Variants in MACROD2 observed in about 807,000 individuals in gnomAD.
The protein encoded by MACROD2 is ADP-ribose glycohydrolase MACROD2.
MACROD2 carries 36 observed loss-of-function variants against 70.4 expected under a neutral mutation model. The observed-to-expected ratio is 0.51, with a 90% CI of 0.39 to 0.68. MACROD2 has a LOEUF of 0.68. Ranked by LOEUF, MACROD2 falls within the 30% of genes least tolerant of loss-of-function variation. MACROD2 has a pLI of 0.00. For synonymous variants in MACROD2, 172 were observed against 178.8 expected, an observed-to-expected ratio of 0.96 and a Z score of 0.30; for missense variants, 496 against 538.4, an observed-to-expected ratio of 0.92 and a Z score of 0.78.
At chr20:15,629,112 C>T (rs2049250142) in intron 8 of MACROD2, among the ~76,000 whole-genome samples, 1 of 152,018 alleles carries the variant, frequency 6.6e-6, no homozygotes, top group Non-Finnish European at 1.5e-5. Context: ...GAAATATATT[C>T]GCATTTCTGT....
At chr20:14,531,925 A>G (rs923552976) in intron 4 of MACROD2, among the ~76,000 whole-genome samples, 1 of 152,156 alleles carries the variant, frequency 6.6e-6, no homozygotes, top group African/African-American at 2.4e-5. Flanking sequence ...CCAGCCTTAT[A>G]AAAGCTGTGC....
chr20:15,138,269 A>G (rs1451281917), intron 5 of MACROD2, among the ~76,000 whole-genome samples: 1 of 152,146 alleles, frequency 6.6e-6, no homozygotes, highest in African/African-American at 2.4e-5. Context: ...TTTTATAAAT[A>G]TTTAACTTCT....
intron 6 of MACROD2, among the ~76,000 whole-genome samples, chr20:15,372,531 C>G (rs2045507691): frequency 6.6e-6 from 1 of 152,130 alleles, no homozygotes; most frequent in African/African-American, 2.4e-5. Flanking sequence ...GTGTTCATTG[C>G]TCATTTTTTT....
chr20:15,495,214 T>TA (rs1158855241), intron 7 of MACROD2, among the ~76,000 whole-genome samples: 3 of 152,222 alleles, frequency 2.0e-5, no homozygotes, highest in Non-Finnish European at 4.4e-5. Context: ...ATCCCTAGGC[T>TA]AAAATCTGTC....
At chr20:16,026,074 A>G (rs1353115833) in intron 15 of MACROD2, among the ~76,000 whole-genome samples, 1 of 152,030 alleles carries the variant, frequency 6.6e-6, no homozygotes, top group Non-Finnish European at 1.5e-5. Context: ...AATCGCTTGA[A>G]CCCAGGAGGT....
At chr20:14,547,238 AG>A in intron 4 of MACROD2, 1 of 586,732 alleles carries the variant, frequency 1.7e-6, no homozygotes, top group Non-Finnish European at 2.4e-6. Context: ...TCCATGCAGG[AG>A]GGACACGTGA....
chr20:14,626,725 T>G (rs1984190728), intron 4 of MACROD2, among the ~76,000 whole-genome samples: 1 of 151,936 alleles, frequency 6.6e-6, no homozygotes, highest in South Asian at 2.1e-4. Flanking sequence ...CAGGAGGAAG[T>G]ATGGCCATTG....
At chr20:15,621,429 T>G (rs2049124441) in intron 8 of MACROD2, among the ~76,000 whole-genome samples, 1 of 152,230 alleles carries the variant, frequency 6.6e-6, no homozygotes, top group Admixed American at 6.5e-5. Flanking sequence ...ACATGCAGAT[T>G]GCAATAATTT....
chr20:15,580,926 A>G (rs796795911), intron 8 of MACROD2, among the ~76,000 whole-genome samples: 1 of 152,210 alleles, frequency 6.6e-6, no homozygotes, highest in East Asian at 1.9e-4. Context: ...TGCACAACAG[A>G]CAATGGTTGG....
At chr20:15,656,303 C>A (rs887537204) in intron 8 of MACROD2, among the ~76,000 whole-genome samples, 11 of 152,096 alleles carry the variant, frequency 7.2e-5, no homozygotes, top group Admixed American at 6.6e-4. Context: ...TGTATGAATT[C>A]CAGAGTCTTA....
chr20:14,020,841 C>CTG (rs750453354), intron 2 of MACROD2, among the ~76,000 whole-genome samples: 9 of 152,272 alleles, frequency 5.9e-5, no homozygotes, highest in Middle Eastern at 3.4e-3. Flanking sequence ...GCAGTTAGCT[C>CTG]TGTGATGGGT....
At chr20:15,088,636 C>T (rs2075771130) in intron 5 of MACROD2, among the ~76,000 whole-genome samples, 2 of 151,618 alleles carry the variant, frequency 1.3e-5, no homozygotes, top group Admixed American at 1.3e-4. Flanking sequence ...TATACATTTA[C>T]ATGGGGACTT....
intron 5 of MACROD2, among the ~76,000 whole-genome samples, chr20:15,095,064 CTTTTTTTTTTTTTTTTTTTT>C (rs373794823): frequency 3.4e-5 from 3 of 89,298 alleles, no homozygotes; most frequent in East Asian, 2.9e-4. Flanking sequence ...GTCTCCTCTT[CTTTTTTTTTTTTTTTTTTTT>C]TTTTTTTTTT....
chr20:15,108,417 A>G (rs150666331), intron 5 of MACROD2, among the ~76,000 whole-genome samples: 111 of 152,312 alleles, frequency 7.3e-4, no homozygotes, highest in African/African-American at 2.3e-3. Flanking sequence ...ATTTTAGCCA[A>G]AACAACTGTT....
intron 5 of MACROD2, among the ~76,000 whole-genome samples, chr20:15,202,392 C>G (rs1321693812): frequency 1.3e-5 from 2 of 152,168 alleles, no homozygotes; most frequent in African/African-American, 4.8e-5. Context: ...AAGAAAAGAG[C>G]AGATTGTCTC....
intron 8 of MACROD2, among the ~76,000 whole-genome samples, chr20:15,832,181 C>T (rs1444020379): frequency 6.6e-6 from 1 of 151,948 alleles, no homozygotes; most frequent in Non-Finnish European, 1.5e-5. Context: ...ATTTTTTTTG[C>T]AGTCCTCAGT....
chr20:14,238,280 A>T (rs1169201883), intron 3 of MACROD2, among the ~76,000 whole-genome samples: 1 of 152,238 alleles, frequency 6.6e-6, no homozygotes, highest in Non-Finnish European at 1.5e-5. Context: ...TTACATAAAC[A>T]GAACTCAAAA....
chr20:14,433,095 C>A (rs1366545209), intron 3 of MACROD2, among the ~76,000 whole-genome samples: 1 of 152,014 alleles, frequency 6.6e-6, no homozygotes. Context: ...GGGAAATTTT[C>A]TATTTAGAGA....
At chr20:15,479,793 A>G (rs1334424494) in intron 7 of MACROD2, among the ~76,000 whole-genome samples, 2 of 152,178 alleles carry the variant, frequency 1.3e-5, no homozygotes, top group African/African-American at 2.4e-5. Flanking sequence ...CTGCTTCTTC[A>G]GATTTGAACA....
Sources: allele counts gnomAD v4.1 joint callset (sites outside exome capture counted in the v4.1 genomes callset), GRCh38; gene constraint gnomAD v4.1.1; transcripts MANE v1.5; gene names NCBI Gene and HGNC (gene_info 2026-07-23, HGNC 2026-07-21).